The following DNAH1 variants were observed in gnomAD, a reference collection of about 807,000 sequenced individuals.
DNAH1 encodes the protein axonemal beta dynein heavy chain 1.
A neutral mutation model predicts 484.3 loss-of-function variants in DNAH1; 327 were observed. The observed-to-expected ratio is 0.68, with a 90% CI of 0.62 to 0.74. The LOEUF (loss-of-function observed/expected upper bound fraction) is 0.74. DNAH1 is among the 30% of genes least tolerant of loss of function. The probability of loss-of-function intolerance (pLI) is 0.00; values close to 1 mark genes in which losing one functional copy is unlikely to be tolerated. For synonymous variants in DNAH1, 2,192 were observed against 2,191.9 expected (o/e 1.00, Z 0.00); for missense variants, 5,052 against 5,546.8 (o/e 0.91, Z 2.83).
At chr3:52,360,186 G>A in intron 27 of DNAH1, 107 bp downstream of exon 27, 1 of 1,533,466 alleles carries the variant, frequency 6.5e-7, no homozygotes, top group Non-Finnish European at 8.9e-7. Context: ...TTGAGGTTCT[G>A]GGACAAGCTG....
At chr3:52,351,921 G>A in intron 16 of DNAH1, 41 bp from the exon 17 acceptor site, 4 of 1,582,082 alleles carry the variant, frequency 2.5e-6, no homozygotes, top group Non-Finnish European at 3.4e-6. Context: ...CACCACTTCA[G>A]CCGCGATATT....
In DNAH1 at chr3:52,385,948, C is replaced by T. The variant is rs1026811990; in HGVS notation, c.8626-212C>T. 4.6e-5 allele frequency among the ~76,000 whole-genome samples: 7 copies of T among 152,342 alleles called. No individual in the cohort carries two copies. In the East Asian group the frequency reaches 5.8e-4, roughly 13 times the overall value. On this transcript the variant is annotated intron_variant, in intron 54 of 77. Transcript: ENST00000420323. ...GGGGGCCCTGCCTGTGGGGCACTTA[C>T]ATCCAAACTTGTAAGGCCCCAAGCC...
rs1484628882 is a variant in DNAH1, at chr3:52,358,413, C to T, written c.4087-145C>T. ...GGCCATCCAGCCTGGGAAGGCCCAGCCAAGATAGACTCTCGGGGGGACGGG... is the reference window on the plus strand; with the variant it reads ...GGCCATCCAGCCTGGGAAGGCCCAGTCAAGATAGACTCTCGGGGGGACGGG... On this transcript the variant is annotated intron_variant, in intron 24 of 77. Transcript: ENST00000420323. The surrounding 1 kb of genome is among the most constrained non-coding windows in gnomAD (Gnocchi z 4.2). 10 of 939,158 alleles carry T rather than the reference C, an allele frequency of 1.1e-5. No homozygotes were observed. Among genetic ancestry groups the T allele is most frequent in the Non-Finnish European group, 1.5e-5 (10 of 648,120 alleles). 58.2% of individuals were successfully genotyped at this position (939,158 alleles called of 1,614,324 possible). A position where few individuals can be genotyped will look rare whatever the true frequency, so the allele number is the denominator to read the frequency against.
At position 52,395,759 on chromosome 3, in the gene DNAH1, C is replaced by A. The variant is rs1704595105; in HGVS notation, c.11259+81C>A. ...ACTAATGAGGCAGAAATAAGAGAAT[C>A]ATGCCAAGCACTCTGCCCAGCCTCT... On this transcript the variant is annotated intron_variant, in intron 70 of 77. Transcript: ENST00000420323. This position sits in a 1 kb window ranked among gnomAD's most constrained non-coding sequence, Gnocchi z 4.4. 8.5e-6 allele frequency: 13 copies of A among 1,533,106 alleles called. No homozygotes were observed. The highest frequency in any genetic ancestry group is 1.1e-5 in the Non-Finnish European group (13 of 1,133,038). The allele number at this position is 1,533,106 out of a possible 1,614,324, so 95.0% of individuals were successfully genotyped here.
In DNAH1 at chr3:52,334,645, T is replaced by G. The variant is rs1701672337; in HGVS notation, c.1286+2251T>G. On this transcript the variant is annotated intron_variant, in intron 8 of 77. Transcript: ENST00000420323. ...CTCTACTAAAAAAAAATACAAAAAT[T>G]AGCTGAGCGTGGTGGCACACGACTA... is the stretch of plus-strand genomic sequence containing the variant. 2.6e-5 allele frequency among the ~76,000 whole-genome samples: 4 copies of G among 151,756 alleles called. No homozygotes were observed. The South Asian group carries it at 8.3e-4, about 32-fold the overall frequency.
At position 52,399,384 on chromosome 3, in the gene DNAH1, G is replaced by T. The variant is rs554069871; in HGVS notation, c.12442-161G>T. The stretch of plus-strand genomic sequence containing the variant: ...GGGCTGGGTCCATCAGAAATCCACA[G>T]GGGCAGGGCACAGACCACAGGCCAT... On this transcript the variant is annotated intron_variant, in intron 76 of 77. Transcript: ENST00000420323. Among the ~76,000 whole-genome samples the T allele has an allele frequency of 2.0e-5, 3 of 152,288 alleles. No homozygotes were observed. In the South Asian group the frequency reaches 6.2e-4, roughly 32 times the overall value.
At chr3:52,400,024 C>A (rs1270610135) in intron 77 of DNAH1, among the ~76,000 whole-genome samples, 2 of 152,238 alleles carry the variant, frequency 1.3e-5, no homozygotes, top group African/African-American at 4.8e-5. Flanking sequence ...AGCCTACAAG[C>A]CCCAGCCTGT....
intron 45 of DNAH1, among the ~76,000 whole-genome samples, chr3:52,375,733 C>T (rs1040962957): frequency 2.0e-5 from 3 of 152,170 alleles, no homozygotes; most frequent in African/African-American, 4.8e-5. Flanking sequence ...TACATACATA[C>T]GTATACGTTA....
rs767789142 is a variant in DNAH1, at chr3:52,388,835, G to A, written c.9393G>A (p.Val3131=). ...TCAACGGGCTGTCGGATGAGAAGGT[G>A]CGCTGGCAGGAGACGGTGGAGAACC... ...KLINGLSDEK[V]RWQETVENLQ... is the part of the protein sequence containing the mutation. Residue 3131 remains valine, a synonymous_variant, in exon 59 of 78, where the codon GTG becomes GTA. Coordinates refer to ENST00000420323, the MANE Select transcript of DNAH1 (RefSeq NM_015512.5). 1.9e-5 allele frequency: 30 copies of A among 1,613,612 alleles called. No homozygotes were observed. The highest frequency in any genetic ancestry group is 2.4e-5 in the Non-Finnish European group (28 of 1,179,886).
rs768259974 is a variant in DNAH1, at chr3:52,398,174, G to A, written c.12089+12G>A. 71 of 1,597,242 alleles carry A rather than the reference G, an allele frequency of 4.4e-5. No homozygotes were observed. Among genetic ancestry groups the A allele is most frequent in the Non-Finnish European group, 5.6e-5 (66 of 1,171,572 alleles). ...CAAGAGGTCATTAGGTAATCACCCC[G>A]CCATACCCCTGCCCCGAGTCAGCGG... On this transcript the variant is annotated intron_variant, in intron 75 of 77. Transcript: ENST00000420323.
Position 52,353,267 on chromosome 3 carries a change from G to GCA in DNAH1, c.3195_3196dup (p.Lys1066ThrfsTer4). 1 of 1,613,982 alleles carries GCA rather than the reference G, an allele frequency of 6.2e-7. No homozygotes were observed. The highest frequency in any genetic ancestry group is 8.5e-7 in the Non-Finnish European group (1 of 1,179,906). ...ACGTGGTTGAAGCCTTCAAGACCATGCACAAGTGCGTGAAGCAGTTTAAGG... is the reference window on the plus strand; with the variant it reads ...ACGTGGTTGAAGCCTTCAAGACCATGCACACAAGTGCGTGAAGCAGTTTAAGG... On this transcript the variant is annotated frameshift_variant, in exon 19 of 78. Transcript: ENST00000420323. LOFTEE classifies it high-confidence loss of function. The surrounding 1 kb of genome is among the most constrained non-coding windows in gnomAD (Gnocchi z 5.0).
Position 52,382,309 on chromosome 3 carries a change from T to G in DNAH1, c.7806-11T>G. 6.2e-7 allele frequency: 1 copy of G among 1,613,904 alleles called. No homozygotes were observed. The highest frequency in any genetic ancestry group is 1.6e-4 in the Middle Eastern group (1 of 6,062). ...TCCCTGGCATGCTTCAACCCAAACT[T>G]CTGCCTCCAGGGCCGAGTACGAGTG... On this transcript the variant is annotated splice_polypyrimidine_tract_variant and intron_variant, in intron 49 of 77. Coordinates refer to ENST00000420323, the MANE Select transcript of DNAH1 (RefSeq NM_015512.5).
chr3:52,359,365 G>A lies in DNAH1; in HGVS notation c.4386G>A (p.Leu1462=). ...AGGCCGGCAACCTCAGAAGCCAACT[G>A]TTCCCCCAGCTCTGCCAGCAGGTTG... is the stretch of plus-strand genomic sequence containing the variant. ...ALEAGNLRSQ[L]FPQLCQQLSD... is the part of the protein sequence containing the mutation. Residue 1462 remains leucine, a synonymous_variant, in exon 26 of 78, where the codon CTG becomes CTA. Transcript: ENST00000420323. 6.4e-7 allele frequency: 1 copy of A among 1,571,122 alleles called. No homozygotes were observed.
At position 52,344,656 on chromosome 3, in the gene DNAH1, C is replaced by A; in HGVS notation, c.1444+9C>A. 1 of 1,610,550 alleles carries A rather than the reference C, an allele frequency of 6.2e-7. No homozygotes were observed. The highest frequency in any genetic ancestry group is 1.1e-5 in the South Asian group (1 of 90,690). On this transcript the variant is annotated intron_variant, in intron 9 of 77. Coordinates refer to ENST00000420323, the MANE Select transcript of DNAH1 (RefSeq NM_015512.5). ...GCAGGTGCCTGAGCGAGGTGAGGGT[C>A]ACTGGACCAAGATGGGCTCCATGGC...
Position 52,346,767 on chromosome 3 carries a change from A to G in DNAH1, c.1952A>G (p.Tyr651Cys), listed in dbSNP as rs1559509297. ...VWGDDLINSPYRPRKNPLFIM... is the reference protein window; with the variant it reads ...VWGDDLINSPCRPRKNPLFIM... ...GGTGACGACTTAATTAACAGCCCCT[A>G]CAGGTGGGGCCCGGCGGGGCGGAGG... Residue 651 changes from tyrosine (Y) to cysteine (C), a missense_variant, in exon 11 of 78, where the codon TAC becomes TGC. Transcript: ENST00000420323. 5 of 1,603,646 alleles carry G rather than the reference A, an allele frequency of 3.1e-6. No individual in the cohort carries two copies. Among genetic ancestry groups the G allele is most frequent in the East Asian group, 2.2e-5 (1 of 44,538 alleles).
Position 52,391,186 on chromosome 3 carries a change from A to T in DNAH1, c.9749A>T (p.Asp3250Val). 1.2e-6 allele frequency: 2 copies of T among 1,613,978 alleles called. No homozygotes were observed. Among genetic ancestry groups the T allele is most frequent in the Non-Finnish European group, 1.7e-6 (2 of 1,179,892 alleles). Residue 3250 changes from aspartate to valine, a missense_variant, in exon 62 of 78, where the codon GAC (aspartate) becomes GTC (valine). Asp to Val is a radical substitution (Grantham distance 152). Around this residue, in one of 4 missense-constraint regions of DNAH1, gnomAD observed 2,929 missense variants for 3,409.4 expected, o/e 0.86. Coordinates refer to ENST00000420323, the MANE Select transcript of DNAH1 (RefSeq NM_015512.5). Reference protein sequence around the residue: ...ANKWIKNMEKDNGLDVFKLSD... With the variant: ...ANKWIKNMEKVNGLDVFKLSD... ...TTTCCCCTTCCCTTACAGGAGAAGG[A>T]CAATGGGCTGGATGTGTTCAAGTTG...
At position 52,396,406 on chromosome 3, in the gene DNAH1, C is replaced by A; in HGVS notation, c.11298C>A (p.Pro3766=). The change falls in exon 71 of 78, where the codon CCC becomes CCA. Residue 3766 remains proline, a synonymous_variant. Transcript: ENST00000420323. ...TCCGCCTCTGGCTCACCAGCCTGCC[C>A]AGCAACAAGTTCCCAGTGTCCATCC... The part of the protein sequence containing the change: ...RDFRLWLTSL[P]SNKFPVSILQ... 6.3e-7 allele frequency: 1 copy of A among 1,589,072 alleles called. No homozygotes were observed. Among genetic ancestry groups the A allele is most frequent in the East Asian group, 2.3e-5 (1 of 43,346 alleles).
chr3:52,384,676 G>T, intron 52 of DNAH1, 110 bp from the exon 53 acceptor site: 3 of 1,136,010 alleles, frequency 2.6e-6, no homozygotes, highest in Non-Finnish European at 3.7e-6. Context: ...AGGCATGGAG[G>T]TTCCTGCTGT....
rs759455608 is a variant in DNAH1 at position 52,372,065 on chromosome 3, G to A, written c.6645G>A (p.Met2215Ile). Residue 2215 changes from methionine to isoleucine, a missense_variant, in exon 42 of 78, where the codon ATG (methionine) becomes ATA (isoleucine). Coordinates refer to ENST00000420323, the MANE Select transcript of DNAH1 (RefSeq NM_015512.5). ...DTVQMSHLLD[M>I]LLTNKKPVLC... ...TGCAGATGTCCCATTTACTGGACAT[G>A]CTGCTCACCAACAAGAAGCCCGTGA... The A allele has an allele frequency of 2.5e-6, 4 of 1,613,572 alleles. No individual in the cohort carries two copies. In the African/African-American group the frequency reaches 5.3e-5, roughly 22 times the overall value.
Sources: allele counts gnomAD v4.1 joint callset (sites outside exome capture counted in the v4.1 genomes callset), GRCh38; gene constraint gnomAD v4.1.1; regional missense constraint gnomAD v4.1.1; non-coding constraint Gnocchi (gnomAD v3.1); transcripts MANE v1.5; gene names NCBI Gene and HGNC (gene_info 2026-07-23, HGNC 2026-07-21).